The following TXNDC16 variants were observed in gnomAD, a reference collection of about 807,000 sequenced individuals.
The protein encoded by TXNDC16 is thioredoxin domain containing 16.
In TXNDC16, 74 loss-of-function variants were observed where a neutral mutation model predicts 85.6. That is an observed-to-expected ratio of 0.86 (90% CI 0.72 to 1.05). TXNDC16 has a LOEUF of 1.05. Ranked by LOEUF, TXNDC16 falls within the 50% of genes least tolerant of loss-of-function variation. The pLI, the probability that TXNDC16 is intolerant of heterozygous loss-of-function variation, is 0.00. For synonymous variants in TXNDC16, 335 were observed against 326.5 expected (o/e 1.03, Z -0.28); for missense variants, 959 against 947.0 (o/e 1.01, Z -0.17).
chr14:52,488,239 C>T (rs764503436), intron 12 of TXNDC16, 124 bp downstream of exon 12: 34 of 1,203,674 alleles, frequency 2.8e-5, no homozygotes, highest in Non-Finnish European at 4.0e-5. Context: ...ATAAATTCCG[C>T]CAGGTTTCTT....
intron 20 of TXNDC16, among the ~76,000 whole-genome samples, chr14:52,436,507 CATG>C (rs2035030845): frequency 6.6e-6 from 1 of 152,064 alleles, no homozygotes; most frequent in African/African-American, 2.4e-5. Context: ...GTAGTAGTTG[CATG>C]ATCTTGAGAA....
In TXNDC16 at chr14:52,440,662, C is replaced by T. The variant is rs761752305; in HGVS notation, c.1905G>A (p.Leu635=). 8.7e-6 allele frequency: 14 copies of T among 1,610,098 alleles called. No homozygotes were observed. Among genetic ancestry groups the T allele is most frequent in the Non-Finnish European group, 1.2e-5 (14 of 1,178,942 alleles). Residue 635 remains leucine (L), a synonymous_variant, in exon 19 of 21, where the codon TTG becomes TTA. Coordinates refer to ENST00000281741, the MANE Select transcript of TXNDC16 (RefSeq NM_020784.3). The part of the protein sequence containing the change: ...YFRLQKPLLI[L]FSDGTVNPQY... The stretch of plus-strand genomic sequence containing the variant: ...GAGGATTTACAGTGCCATCACTGAA[C>T]AAAATCAATAATGGTTTCTGAAGTC...
intron 16 of TXNDC16, among the ~76,000 whole-genome samples, chr14:52,467,383 TAAAG>T (rs1168189145): frequency 6.6e-6 from 1 of 152,024 alleles, no homozygotes; most frequent in Non-Finnish European, 1.5e-5. Flanking sequence ...CCAGAATATA[TAAAG>T]AATTTCTGCA....
At chr14:52,538,458 C>T (rs1594765037) in intron 4 of TXNDC16, among the ~76,000 whole-genome samples, 1 of 151,984 alleles carries the variant, frequency 6.6e-6, no homozygotes, top group East Asian at 1.9e-4. Flanking sequence ...AAACAGAAAG[C>T]AAAAGAACAC....
At chr14:52,535,945 G>A (rs567591363) in intron 6 of TXNDC16, among the ~76,000 whole-genome samples, 2 of 152,056 alleles carry the variant, frequency 1.3e-5, no homozygotes, top group East Asian at 3.9e-4. Flanking sequence ...GATCGCTTGA[G>A]CCTGGGAGGT....
intron 6 of TXNDC16, among the ~76,000 whole-genome samples, chr14:52,527,152 G>A (rs1369771342): frequency 2.6e-5 from 4 of 152,204 alleles, no homozygotes; most frequent in East Asian, 1.9e-4. Flanking sequence ...CAAGCCCAAC[G>A]AGGGGCTTGT....
chr14:52,487,885 T>A (rs1306316248), intron 12 of TXNDC16, among the ~76,000 whole-genome samples: 1 of 152,244 alleles, frequency 6.6e-6, no homozygotes, highest in Non-Finnish European at 1.5e-5. Context: ...AATACATTTT[T>A]AAAAAACTGA....
At chr14:52,484,119 G>A (rs574222731) in intron 12 of TXNDC16, among the ~76,000 whole-genome samples, 1 of 150,824 alleles carries the variant, frequency 6.6e-6, no homozygotes, top group East Asian at 2.0e-4. Flanking sequence ...ATGTTAAAAA[G>A]GAAAATCCTT....
At chr14:52,497,083 T>A (rs1243963913) in intron 9 of TXNDC16, among the ~76,000 whole-genome samples, 1 of 152,114 alleles carries the variant, frequency 6.6e-6, no homozygotes, top group African/African-American at 2.4e-5. Context: ...CATTCTTGCA[T>A]TGGGGTACAA....
intron 7 of TXNDC16, among the ~76,000 whole-genome samples, chr14:52,518,723 G>C (rs982090936): frequency 1.3e-5 from 2 of 151,250 alleles, no homozygotes; most frequent in Non-Finnish European, 2.9e-5. Context: ...TACTATACCA[G>C]GTAAAGGAGG....
Position 52,514,976 on chromosome 14 carries a change from G to C in TXNDC16, c.515-6C>G, listed in dbSNP as rs961362943. 1.4e-5 allele frequency: 23 copies of C among 1,606,154 alleles called. No individual in the cohort carries two copies. The highest frequency in any genetic ancestry group is 1.5e-5 in the Non-Finnish European group (18 of 1,175,890). On this transcript the variant is annotated splice_polypyrimidine_tract_variant and splice_region_variant and intron_variant, in intron 7 of 20. Transcript: ENST00000281741. Reference sequence around the variant, plus strand: ...TTCCATGACTGCTCTGTGCTCTGAAGAAGAGATAAAGGGAGTTGGAAGACA... The same window carrying C: ...TTCCATGACTGCTCTGTGCTCTGAACAAGAGATAAAGGGAGTTGGAAGACA...
At position 52,530,402 on chromosome 14, in the gene TXNDC16, ATATAATTATT is replaced by A. The variant is rs1335174512; in HGVS notation, c.392+6307_392+6316del. On this transcript the variant is annotated intron_variant, in intron 6 of 20. Coordinates refer to ENST00000281741, the MANE Select transcript of TXNDC16 (RefSeq NM_020784.3). ...ATTATATATAATATTATAATATAAT[ATATAATTATT>A]ATATAATATTATATATAATAATATA... Among the ~76,000 whole-genome samples the A allele has an allele frequency of 1.4e-3, 24 of 17,156 alleles. 5 individuals carry two copies. The highest frequency in any genetic ancestry group is 9.8e-3 in the African/African-American group (24 of 2,440). 11.3% of individuals were successfully genotyped at this position (17,156 alleles called of 152,430 possible).
At chr14:52,441,616 A>AC (rs1400954173) in intron 18 of TXNDC16, among the ~76,000 whole-genome samples, 1 of 151,668 alleles carries the variant, frequency 6.6e-6, no homozygotes, top group Non-Finnish European at 1.5e-5. Context: ...AAAAAAAAAA[A>AC]CCCAAAAAAC....
chr14:52,469,273 G>A (rs1256233684), intron 16 of TXNDC16, among the ~76,000 whole-genome samples: 1 of 151,810 alleles, frequency 6.6e-6, no homozygotes, highest in Admixed American at 6.6e-5. Context: ...CTTGAGCCCA[G>A]GAAGCAGAGA....
intron 18 of TXNDC16, among the ~76,000 whole-genome samples, chr14:52,450,167 A>C (rs2140110235): frequency 6.6e-6 from 1 of 152,210 alleles, no homozygotes; most frequent in Non-Finnish European, 1.5e-5. Flanking sequence ...CGAAAAGTTA[A>C]ACAAAATTGA....
At chr14:52,508,893 C>T (rs574642993) in intron 9 of TXNDC16, among the ~76,000 whole-genome samples, 2 of 152,004 alleles carry the variant, frequency 1.3e-5, no homozygotes, top group East Asian at 1.9e-4. Flanking sequence ...CATCACACAC[C>T]GGGGCCTGTT....
rs765293725 is a variant in TXNDC16 at position 52,506,527 on chromosome 14, CTTTTTTT to C, written c.756+4706_756+4712del. 2.8e-4 allele frequency among the ~76,000 whole-genome samples: 27 copies of C among 97,550 alleles called. 1 individual carries two copies. The highest frequency in any genetic ancestry group is 6.9e-4 in the Admixed American group (6 of 8,682). The allele number at this position is 97,550 out of a possible 152,430, so 64.0% of individuals were successfully genotyped here. A position where few individuals can be genotyped will look rare whatever the true frequency, so the allele number is the denominator to read the frequency against. On this transcript the variant is annotated intron_variant, in intron 9 of 20. Transcript: ENST00000281741. ...AGGCCTTTGACAAATTTCAACAACC[CTTTTTTT>C]TTTTTTTTTTTTTTTTTCTTTTTTC... is the stretch of plus-strand genomic sequence containing the variant.
intron 14 of TXNDC16, among the ~76,000 whole-genome samples, chr14:52,479,658 A>T (rs1457147700): frequency 2.6e-5 from 4 of 152,184 alleles, no homozygotes; most frequent in Admixed American, 2.6e-4. Context: ...AACACTGCTG[A>T]AAGAAATCGT....
intron 14 of TXNDC16, among the ~76,000 whole-genome samples, chr14:52,481,987 G>T (rs1440382149): frequency 6.6e-6 from 1 of 152,104 alleles, no homozygotes; most frequent in Non-Finnish European, 1.5e-5. Flanking sequence ...TGTATTAACT[G>T]TGTAGCCACA....
Sources: allele counts gnomAD v4.1 joint callset (sites outside exome capture counted in the v4.1 genomes callset), GRCh38; gene constraint gnomAD v4.1.1; transcripts MANE v1.5; gene names NCBI Gene and HGNC (gene_info 2026-07-23, HGNC 2026-07-21).